The following SATL1 variants were observed in gnomAD, a reference collection of about 807,000 sequenced individuals.
SATL1 encodes spermidine/spermine N1-acetyl transferase like 1, also known as spermidine/spermine N(1)-acetyltransferase-like protein 1.
In SATL1, 47 loss-of-function variants were observed where a neutral mutation model predicts 51.8. The observed-to-expected ratio is 0.91, with a 90% CI of 0.72 to 1.16. SATL1 has a LOEUF of 1.16. Ranked by LOEUF, SATL1 falls within the 50% of genes most tolerant of loss-of-function variation. The probability of loss-of-function intolerance (pLI) is 0.00; values close to 1 mark genes in which losing one functional copy is unlikely to be tolerated. For missense variants in SATL1, 520 were observed against 526.4 expected, an observed-to-expected ratio of 0.99 and a Z score of 0.12; for synonymous variants, 176 against 182.4, an observed-to-expected ratio of 0.97 and a Z score of 0.28.
chrX:85,237,126 A>G (rs918864856), intron 1 of SATL1, among the ~76,000 whole-genome samples: 1 of 111,359 alleles, frequency 9.0e-6, no homozygotes, highest in Non-Finnish European at 1.9e-5. Context: ...TAAAACACTG[A>G]TGAAATAGAT....
At chrX:85,179,835 C>T (rs1927161925) in intron 2 of SATL1, among the ~76,000 whole-genome samples, 3 of 109,728 alleles carry the variant, frequency 2.7e-5, no homozygotes, top group Admixed American at 2.0e-4. Flanking sequence ...AGCAACAGAA[C>T]CAGGATTCAA....
intron 2 of SATL1, among the ~76,000 whole-genome samples, chrX:85,142,125 G>A (rs182826214): frequency 2.6e-3 from 275 of 107,360 alleles, no homozygotes; most frequent in African/African-American, 8.2e-3. Context: ...GGCCGGTCAC[G>A]GTGGCTCACG....
intron 2 of SATL1, among the ~76,000 whole-genome samples, chrX:85,179,106 A>T (rs1927146072): frequency 8.9e-6 from 1 of 112,173 alleles, no homozygotes; most frequent in Non-Finnish European, 1.9e-5. Context: ...GGCAAGTATA[A>T]CTAAGGAACA....
At chrX:85,210,639 AG>A (rs1458196764) in intron 2 of SATL1, 1 of 110,998 alleles carries the variant, frequency 9.0e-6, no homozygotes, top group East Asian at 2.8e-4. Context: ...CCACCATGGA[AG>A]GAAAGGTGGC....
chrX:85,168,033 A>G (rs1043936067), intron 2 of SATL1, among the ~76,000 whole-genome samples: 5 of 110,137 alleles, frequency 4.5e-5, no homozygotes, highest in South Asian at 3.9e-4. Context: ...AAAAAAAAAA[A>G]CACATGATTG....
intron 2 of SATL1, among the ~76,000 whole-genome samples, chrX:85,197,470 C>CTTTATTTATTTATTTA (rs767059111): frequency 4.6e-3 from 497 of 108,076 alleles, no homozygotes; most frequent in African/African-American, 0.011. Context: ...AATACTAGAT[C>CTTTATTTATTTATTTA]TTTATTTATT....
At chrX:85,095,853 A>AAAAAG in intron 4 of SATL1, among the ~76,000 whole-genome samples, 2 of 96,197 alleles carry the variant, frequency 2.1e-5, no homozygotes, top group Non-Finnish European at 4.1e-5. Flanking sequence ...AAAAAAAAAA[A>AAAAAG]GATGGAGAGG....
rs376883149 is a variant in SATL1 at position 85,234,225 on chromosome X, A to C, written c.-435+9363T>G. 1.3e-4 allele frequency among the ~76,000 whole-genome samples: 15 copies of C among 111,838 alleles called. No individual in the cohort carries two copies. The East Asian group carries it at 3.4e-3, about 25-fold the overall frequency. ...TATTATACTTTGAACATGAAAGAAA[A>C]ATAAAGACTTTCCAGACCAACAAAA... On this transcript the variant is annotated intron_variant, in intron 1 of 7. Transcript: ENST00000644105.
rs202038531 is a variant in SATL1, at chrX:85,096,862, C to CA, written c.1694-1867dup. Among the ~76,000 whole-genome samples, 260 of 42,748 alleles carry CA rather than the reference C, an allele frequency of 6.1e-3. 3 individuals carry two copies. The highest frequency in any genetic ancestry group is 0.015 in the African/African-American group (190 of 12,857). The allele number at this position is 42,748 out of a possible 115,157, so 37.1% of individuals were successfully genotyped here. A position where few individuals can be genotyped will look rare whatever the true frequency, so the allele number is the denominator to read the frequency against. Reference sequence around the variant, plus strand: ...CAAACACCCCCCACCCCAGCCCCCTCAAAAAAAAAAAAGAAAGAAACTGAA... The same window carrying CA: ...CAAACACCCCCCACCCCAGCCCCCTCAAAAAAAAAAAAAGAAAGAAACTGAA... On this transcript the variant is annotated intron_variant, in intron 4 of 7. Coordinates refer to ENST00000644105, the MANE Select transcript of SATL1 (RefSeq NM_001367857.2).
At position 85,109,024 on chromosome X, in the gene SATL1, C is replaced by T; in HGVS notation, c.-56G>A. ...GATGGGGTGGCAGATGATGGGTTGG[C>T]AGACAACTGATTGGCTGATGGCTGT... On this transcript the variant is annotated 5_prime_UTR_variant, in exon 3 of 8. Transcript: ENST00000644105. The T allele has an allele frequency of 2.8e-6, 3 of 1,064,080 alleles. No homozygotes were observed. Among genetic ancestry groups the T allele is most frequent in the Non-Finnish European group, 3.8e-6 (3 of 784,504 alleles). The allele number at this position is 1,064,080 out of a possible 1,213,427, so 87.7% of individuals were successfully genotyped here.
intron 4 of SATL1, among the ~76,000 whole-genome samples, chrX:85,100,622 A>G (rs1924869100): frequency 8.9e-6 from 1 of 112,291 alleles, no homozygotes; most frequent in South Asian, 3.7e-4. Context: ...TAGGATGCCA[A>G]TACTATTCAA....
At chrX:85,195,031 T>A (rs67924848) in intron 2 of SATL1, among the ~76,000 whole-genome samples, 14,271 of 109,315 alleles carry the variant, frequency 0.13, 711 homozygotes, top group South Asian at 0.18. Flanking sequence ...TATATATATA[T>A]ATATACATAA....
chrX:85,198,251 T>C (rs1011834717), intron 2 of SATL1, among the ~76,000 whole-genome samples: 1 of 112,279 alleles, frequency 8.9e-6, no homozygotes, highest in Non-Finnish European at 1.9e-5. Context: ...TTTAGGTTGC[T>C]TCCAAATCTT....
At chrX:85,167,015 G>T (rs1182517082) in intron 2 of SATL1, among the ~76,000 whole-genome samples, 1 of 100,774 alleles carries the variant, frequency 9.9e-6, no homozygotes, top group Non-Finnish European at 2.0e-5. Flanking sequence ...TATATGTGTG[G>T]TATATATGTG....
intron 2 of SATL1, chrX:85,211,998 A>T (rs1189714355): frequency 2.7e-5 from 3 of 111,361 alleles, no homozygotes; most frequent in Non-Finnish European, 3.8e-5. Flanking sequence ...TCCCTCAAAA[A>T]ATCAATGTGC....
At position 85,229,955 on chromosome X, in the gene SATL1, T is replaced by C. The variant is rs1928347676; in HGVS notation, c.-434-5629A>G. Among the ~76,000 whole-genome samples, 5 of 111,628 alleles carry C rather than the reference T, an allele frequency of 4.5e-5. No individual in the cohort carries two copies. In the South Asian group the frequency reaches 1.9e-3, roughly 41 times the overall value. ...CAAATATATAGAAAGGCATCCTATG[T>C]TCATGAGTTGGAAAACTTAATATTG... On this transcript the variant is annotated intron_variant, in intron 1 of 7. Transcript: ENST00000644105.
chrX:85,121,458 T>A (rs938840003), intron 2 of SATL1, among the ~76,000 whole-genome samples: 1 of 104,168 alleles, frequency 9.6e-6, no homozygotes, highest in Non-Finnish European at 1.9e-5. Flanking sequence ...TATAAATATA[T>A]ATGCTATATT....
chrX:85,190,269 A>G (rs1389166792), intron 2 of SATL1, among the ~76,000 whole-genome samples: 1 of 112,263 alleles, frequency 8.9e-6, no homozygotes, highest in East Asian at 2.8e-4. Flanking sequence ...AATAGGATCT[A>G]TCCTGTTTGA....
At chrX:85,116,596 C>T (rs1226600095) in intron 2 of SATL1, among the ~76,000 whole-genome samples, 1 of 111,376 alleles carries the variant, frequency 9.0e-6, no homozygotes, top group African/African-American at 3.3e-5. Context: ...AGTTAGACTC[C>T]ACCATTTTGC....
Sources: gnomAD v4.1 joint callset for allele counts (sites outside exome capture counted in the v4.1 genomes callset) on GRCh38, gnomAD v4.1.1 for gene constraint, MANE v1.5 for transcripts, NCBI Gene and HGNC (gene_info 2026-07-23, HGNC 2026-07-21) for gene names.